Variants in ZC3HAV1 observed in about 807,000 individuals in gnomAD.
ZC3HAV1 encodes the protein zinc finger CCCH-type containing, antiviral 1, also known as zinc finger CCCH-type antiviral protein 1.
Under a neutral mutation model 86.6 loss-of-function variants are expected in ZC3HAV1, and 41 were observed. That is an observed-to-expected ratio of 0.47 (90% CI 0.37 to 0.61). The LOEUF (loss-of-function observed/expected upper bound fraction) is 0.61, where lower values mean the gene tolerates loss of function less well. Among genes scored for constraint, ZC3HAV1 ranks in the 20% least tolerant of loss-of-function variants. The pLI, the probability that ZC3HAV1 is intolerant of heterozygous loss-of-function variation, is 0.00. For missense variants in ZC3HAV1, 964 were observed against 1,141.1 expected (o/e 0.84, Z 2.24); for synonymous variants, 421 against 432.1 (o/e 0.97, Z 0.32).
intron 1 of ZC3HAV1, among the ~76,000 whole-genome samples, chr7:139,104,721 C>CAAA (rs1157897700): frequency 0.029 from 563 of 19,184 alleles, 43 homozygotes; most frequent in East Asian, 0.051. Flanking sequence ...GACTCTGTCA[C>CAAA]AAAAAAAAAA....
intron 1 of ZC3HAV1, among the ~76,000 whole-genome samples, chr7:139,099,372 C>T (rs942821282): frequency 1.1e-4 from 17 of 152,286 alleles, no homozygotes; most frequent in African/African-American, 4.1e-4. Context: ...TGAATACGCC[C>T]ACACAAACAA....
chr7:139,047,802 T>C lies in ZC3HAV1; in HGVS notation c.2501A>G (p.Asp834Gly). 1.2e-6 allele frequency: 2 copies of C among 1,613,970 alleles called. No individual in the cohort carries two copies. Among genetic ancestry groups the C allele is most frequent in the Non-Finnish European group, 1.7e-6 (2 of 1,179,984 alleles). Residue 834 changes from aspartate (D) to glycine (G), a missense_variant, in exon 13 of 13, where the codon GAT (aspartate) becomes GGT (glycine). Coordinates refer to ENST00000242351, the MANE Select transcript of ZC3HAV1 (RefSeq NM_020119.4). ...TACAAACATAACGACGTTTTTGGCA[T>C]CATACGGGCAATTTTTGTGGGAATA... ...AIYSHKNCPY[D>G]AKNVVMFVAQ... is the part of the protein sequence containing the mutation.
rs1402132373 is a variant in ZC3HAV1, at chr7:139,094,845, C to T, written c.309-5086G>A. ...AGTCTGAGCTGAGAATCACTGGATG[C>T]GCTTGTCAGATTTGATTCTGAGTTA... On this transcript the variant is annotated intron_variant, in intron 1 of 12. Transcript: ENST00000242351. 2.6e-5 allele frequency among the ~76,000 whole-genome samples: 4 copies of T among 152,142 alleles called. No homozygotes were observed. The South Asian group carries it at 6.2e-4, about 24-fold the overall frequency.
At chr7:139,101,437 GA>G (rs1817760320) in intron 1 of ZC3HAV1, among the ~76,000 whole-genome samples, 1 of 120,720 alleles carries the variant, frequency 8.3e-6, no homozygotes, top group Non-Finnish European at 1.7e-5. Context: ...GAGATGCGGG[GA>G]GCGCCTCTGC....
At chr7:139,062,888 G>A (rs1014781472) in intron 8 of ZC3HAV1, among the ~76,000 whole-genome samples, 7 of 151,844 alleles carry the variant, frequency 4.6e-5, no homozygotes, top group Non-Finnish European at 1.0e-4. Flanking sequence ...AATTAACCAG[G>A]TGTGGTAGCA....
chr7:139,081,213 T>C (rs535641767), intron 3 of ZC3HAV1, among the ~76,000 whole-genome samples: 1 of 152,144 alleles, frequency 6.6e-6, no homozygotes, highest in South Asian at 2.1e-4. Context: ...TGCATGTCTG[T>C]GTTTGAGGCA....
chr7:139,084,170 CT>C (rs1563135712), intron 2 of ZC3HAV1, 138 bp from the exon 3 acceptor site: 1 of 1,210,670 alleles, frequency 8.3e-7, no homozygotes, highest in African/African-American at 1.5e-5. Context: ...CATGCATATT[CT>C]GCAGTCTTTG....
intron 1 of ZC3HAV1, among the ~76,000 whole-genome samples, chr7:139,106,693 G>C (rs1486834049): frequency 1.3e-5 from 2 of 151,990 alleles, no homozygotes; most frequent in Non-Finnish European, 2.9e-5. Flanking sequence ...AAGACAATCA[G>C]GGAAATTTGA....
At chr7:139,104,557 A>T (rs1167844077) in intron 1 of ZC3HAV1, among the ~76,000 whole-genome samples, 1 of 151,594 alleles carries the variant, frequency 6.6e-6, no homozygotes, top group Non-Finnish European at 1.5e-5. Context: ...CTACTAAAAT[A>T]CAAAAATGAA....
At chr7:139,079,355 A>G in intron 4 of ZC3HAV1, 115 bp downstream of exon 4, 4 of 1,589,208 alleles carry the variant, frequency 2.5e-6, no homozygotes, top group Non-Finnish European at 3.4e-6. Context: ...TGTTAAGCCA[A>G]AACCAGTGGC....
At position 139,108,910 on chromosome 7, in the gene ZC3HAV1, G is replaced by A. The variant is rs1818017488; in HGVS notation, c.308+114C>T. ...AGAGAAGGGAGTGGCTGGAGGCGGA[G>A]GCTGTCAGGTGCGGGGTCCCGGCGA... On this transcript the variant is annotated intron_variant, in intron 1 of 12. Coordinates refer to ENST00000242351, the MANE Select transcript of ZC3HAV1 (RefSeq NM_020119.4). The surrounding 1 kb of genome is among the most constrained non-coding windows in gnomAD (Gnocchi z 4.2). The A allele has an allele frequency of 1.5e-6, 2 of 1,327,820 alleles. No individual in the cohort carries two copies. The highest frequency in any genetic ancestry group is 2.0e-6 in the Non-Finnish European group (2 of 990,506). The allele number at this position is 1,327,820 out of a possible 1,614,324, so 82.3% of individuals were successfully genotyped here.
chr7:139,079,467 T>C lies in ZC3HAV1; in HGVS notation c.1471+3A>G, dbSNP rs1202580392. The C allele has an allele frequency of 1.2e-6, 2 of 1,614,018 alleles. No individual in the cohort carries two copies. The highest frequency in any genetic ancestry group is 2.7e-5 in the African/African-American group (2 of 74,922). On this transcript the variant is annotated splice_donor_region_variant and intron_variant, in intron 4 of 12. Transcript: ENST00000242351. ...GCCCAAAGTGTCTTCCCTTTGTATT[T>C]ACCGTTAACAAGTGCTACTCTTGGG...
chr7:139,045,758 T>G lies in ZC3HAV1; in HGVS notation c.*1836A>C, dbSNP rs1815935827. ...TGTCTAATGGGCTGTTGGAAAGAGTTGGACAAACTGCACCCCTACAATGTG... is the reference window on the plus strand; with the variant it reads ...TGTCTAATGGGCTGTTGGAAAGAGTGGGACAAACTGCACCCCTACAATGTG... On this transcript the variant is annotated 3_prime_UTR_variant, in exon 13 of 13. Coordinates refer to ENST00000242351, the MANE Select transcript of ZC3HAV1 (RefSeq NM_020119.4). 6.6e-6 allele frequency: 1 copy of G among 151,998 alleles called. No homozygotes were observed. Among genetic ancestry groups the G allele is most frequent in the East Asian group, 1.9e-4 (1 of 5,190 alleles). 9.4% of individuals were successfully genotyped at this position (151,998 alleles called of 1,614,324 possible). A position where few individuals can be genotyped will look rare whatever the true frequency, so the allele number is the denominator to read the frequency against.
intron 1 of ZC3HAV1, among the ~76,000 whole-genome samples, chr7:139,097,716 A>G (rs1032415504): frequency 6.6e-5 from 10 of 151,668 alleles, no homozygotes; most frequent in African/African-American, 9.7e-5. Flanking sequence ...TTACAGGCAT[A>G]AGCCACCAAG....
rs1024911097 is a variant in ZC3HAV1 at position 139,045,760 on chromosome 7, G to C, written c.*1834C>G. Reference sequence around the variant, plus strand: ...TCTAATGGGCTGTTGGAAAGAGTTGGACAAACTGCACCCCTACAATGTGAG... The same window carrying C: ...TCTAATGGGCTGTTGGAAAGAGTTGCACAAACTGCACCCCTACAATGTGAG... On this transcript the variant is annotated 3_prime_UTR_variant, in exon 13 of 13. Coordinates refer to ENST00000242351, the MANE Select transcript of ZC3HAV1 (RefSeq NM_020119.4). 1 of 151,954 alleles carries C rather than the reference G, an allele frequency of 6.6e-6. No homozygotes were observed. Among genetic ancestry groups the C allele is most frequent in the Non-Finnish European group, 1.5e-5 (1 of 68,002 alleles). The allele number at this position is 151,954 out of a possible 1,614,324, so 9.4% of individuals were successfully genotyped here. A position where few individuals can be genotyped will look rare whatever the true frequency, so the allele number is the denominator to read the frequency against.
chr7:139,052,722 G>C (rs1816169683), intron 12 of ZC3HAV1, among the ~76,000 whole-genome samples: 1 of 151,252 alleles, frequency 6.6e-6, no homozygotes, highest in Non-Finnish European at 1.5e-5. Flanking sequence ...CAGGAGTTGA[G>C]ACCAGCCTTG....
Position 139,083,811 on chromosome 7 carries a change from C to T in ZC3HAV1, c.666G>A (p.Lys222=). 6.2e-7 allele frequency: 1 copy of T among 1,613,162 alleles called. No individual in the cohort carries two copies. Among genetic ancestry groups the T allele is most frequent in the South Asian group, 1.1e-5 (1 of 91,050 alleles). ...GCCCTGGGGGATTCTTCTGCATGTGCTTGCTGTTGCAGATGTCCTGGATGT... is the reference window on the plus strand; with the variant it reads ...GCCCTGGGGGATTCTTCTGCATGTGTTTGCTGTTGCAGATGTCCTGGATGT... ...VQNIQDICNS[K]HMQKNPPGPR... is the part of the protein sequence containing the mutation. Residue 222 remains lysine (K), a synonymous_variant, in exon 3 of 13, where the codon AAG becomes AAA. Transcript: ENST00000242351.
chr7:139,078,413 C>T (rs1817019061), intron 5 of ZC3HAV1, 139 bp downstream of exon 5: 3 of 643,556 alleles, frequency 4.7e-6, no homozygotes, highest in Non-Finnish European at 8.0e-6. Context: ...ATATGATCCC[C>T]CAACTCCACT....
rs1204629527 is a variant in ZC3HAV1, at chr7:139,103,533, AAGTATAAATTGGCAC to A, written c.308+5476_308+5490del. Among the ~76,000 whole-genome samples the A allele has an allele frequency of 2.6e-5, 4 of 152,224 alleles. 1 individual carries two copies. Among genetic ancestry groups the A allele is most frequent in the Admixed American group, 2.6e-4 (4 of 15,288 alleles). Reference sequence around the variant, plus strand: ...AGGAAACTGGGACACTCAGACATATAAGTATAAATTGGCACAGCCACCTTTATACTAATTCGTCAG... The same window carrying A: ...AGGAAACTGGGACACTCAGACATATAAGCCACCTTTATACTAATTCGTCAG... On this transcript the variant is annotated intron_variant, in intron 1 of 12. Transcript: ENST00000242351.
Sources: gnomAD v4.1 joint callset for allele counts (sites outside exome capture counted in the v4.1 genomes callset) on GRCh38, gnomAD v4.1.1 for gene constraint, Gnocchi (gnomAD v3.1) non-coding constraint, MANE v1.5 for transcripts, NCBI Gene and HGNC (gene_info 2026-07-23, HGNC 2026-07-21) for gene names.